HMCN1: variants seen among roughly 807,000 people sequenced by gnomAD.
HMCN1 encodes the protein hemicentin 1, also known as hemicentin-1.
A neutral mutation model predicts 625.9 loss-of-function variants in HMCN1; 321 were observed. That is an observed-to-expected ratio of 0.51 (90% CI 0.47 to 0.56). The LOEUF (loss-of-function observed/expected upper bound fraction) is 0.56, where lower values mean the gene tolerates loss of function less well. Among genes scored for constraint, HMCN1 ranks in the 20% least tolerant of loss-of-function variants. The pLI, the probability that HMCN1 is intolerant of heterozygous loss-of-function variation, is 0.00. For synonymous variants in HMCN1, 2,425 were observed against 2,417.6 expected, an observed-to-expected ratio of 1.00 and a Z score of -0.09; for missense variants, 6,588 against 6,887.3, an observed-to-expected ratio of 0.96 and a Z score of 1.54.
intron 11 of HMCN1, among the ~76,000 whole-genome samples, chr1:185,943,703 T>C (rs1036930717): frequency 1.3e-5 from 2 of 152,186 alleles, no homozygotes; most frequent in South Asian, 2.1e-4. Context: ...AGTTCCATTA[T>C]GTAGGCAGGA....
At chr1:185,845,795 C>T (rs2102318217) in intron 1 of HMCN1, among the ~76,000 whole-genome samples, 1 of 152,284 alleles carries the variant, frequency 6.6e-6, no homozygotes, top group African/African-American at 2.4e-5. Flanking sequence ...TATTTTACTC[C>T]TCCTTGCATT....
At chr1:186,028,868 G>GC (rs1655234083) in intron 36 of HMCN1, among the ~76,000 whole-genome samples, 1 of 151,914 alleles carries the variant, frequency 6.6e-6, no homozygotes, top group Non-Finnish European at 1.5e-5. Flanking sequence ...GGGGTTACAG[G>GC]CACCTGCCAC....
At chr1:185,974,275 A>G (rs1651040523) in intron 15 of HMCN1, among the ~76,000 whole-genome samples, 1 of 152,168 alleles carries the variant, frequency 6.6e-6, no homozygotes, top group Non-Finnish European at 1.5e-5. Flanking sequence ...CCATAGACTT[A>G]TTAAACTCCA....
intron 1 of HMCN1, among the ~76,000 whole-genome samples, chr1:185,838,077 A>T (rs764066294): frequency 6.6e-6 from 1 of 152,178 alleles, no homozygotes; most frequent in African/African-American, 2.4e-5. Flanking sequence ...AGGCAAATAC[A>T]GACCCACGTG....
chr1:186,162,516 GCT>G (rs2102609676), intron 97 of HMCN1, among the ~76,000 whole-genome samples: 1 of 152,192 alleles, frequency 6.6e-6, no homozygotes. Context: ...CAGTTTTTCT[GCT>G]CTGTTTTTTC....
At chr1:185,923,940 G>A (rs917815243) in intron 8 of HMCN1, among the ~76,000 whole-genome samples, 2 of 152,130 alleles carry the variant, frequency 1.3e-5, no homozygotes, top group East Asian at 1.9e-4. Flanking sequence ...CCCTAAAAAA[G>A]CCAGGCAGAT....
Position 186,001,637 on chromosome 1 carries a change from T to C in HMCN1, c.4244T>C (p.Ile1415Thr). The C allele has an allele frequency of 6.2e-7, 1 of 1,613,176 alleles. No individual in the cohort carries two copies. Among genetic ancestry groups the C allele is most frequent in the South Asian group, 1.1e-5 (1 of 91,066 alleles). Residue 1415 changes from isoleucine to threonine, a missense_variant, in exon 28 of 107, where the codon ATA becomes ACA. By Grantham distance (89) the Ile-to-Thr change is moderately conservative. Transcript: ENST00000271588. ...STIQTVNNGK[I>T]LKLFRATPED... Reference sequence around the variant, plus strand: ...ATTCAGACTGTGAACAATGGGAAGATACTGAAGCTCTTCAGAGCCACTCCA... The same window carrying C: ...ATTCAGACTGTGAACAATGGGAAGACACTGAAGCTCTTCAGAGCCACTCCA...
At chr1:185,972,890 C>G (rs1650928016) in intron 15 of HMCN1, among the ~76,000 whole-genome samples, 2 of 152,128 alleles carry the variant, frequency 1.3e-5, no homozygotes, top group South Asian at 4.1e-4. Context: ...CAGACCTTGT[C>G]TGTTCACATC....
At chr1:185,932,946 CAT>C (rs1667627020) in intron 10 of HMCN1, among the ~76,000 whole-genome samples, 1 of 152,152 alleles carries the variant, frequency 6.6e-6, no homozygotes, top group South Asian at 2.1e-4. Flanking sequence ...ATCTGAAACA[CAT>C]GTGTCACTCA....
intron 103 of HMCN1, 121 bp from the exon 104 acceptor site, chr1:186,178,295 C>T: frequency 1.4e-6 from 1 of 738,126 alleles, no homozygotes; most frequent in Non-Finnish European, 2.4e-6. Flanking sequence ...TTACTGTATG[C>T]CTGGCTTTGG....
chr1:185,866,555 C>T (rs899273296), intron 4 of HMCN1, among the ~76,000 whole-genome samples: 1 of 151,806 alleles, frequency 6.6e-6, no homozygotes, highest in Non-Finnish European at 1.5e-5. Flanking sequence ...CAGGCGCCCA[C>T]CACCACGCCC....
intron 1 of HMCN1, among the ~76,000 whole-genome samples, chr1:185,744,229 T>C (rs886895745): frequency 6.6e-6 from 1 of 151,952 alleles, no homozygotes; most frequent in African/African-American, 2.4e-5. Context: ...CTCCTGACCT[T>C]GTGATCCACC....
intron 1 of HMCN1, among the ~76,000 whole-genome samples, chr1:185,799,688 C>A (rs912013167): frequency 6.6e-6 from 1 of 152,088 alleles, no homozygotes; most frequent in Non-Finnish European, 1.5e-5. Flanking sequence ...GCTGAGGTTT[C>A]ACAAAACTTG....
chr1:185,856,076 G>A (rs551181967), intron 2 of HMCN1, among the ~76,000 whole-genome samples: 3 of 152,226 alleles, frequency 2.0e-5, no homozygotes, highest in South Asian at 4.1e-4. Flanking sequence ...TATTTGCTTC[G>A]ATGCAACTTT....
intron 91 of HMCN1, 150 bp from the exon 92 acceptor site, chr1:186,145,253 C>T: frequency 1.5e-6 from 1 of 686,574 alleles, no homozygotes; most frequent in South Asian, 2.2e-5. Context: ...AAACTATCTT[C>T]CTTTGGAAGT....
intron 100 of HMCN1, among the ~76,000 whole-genome samples, chr1:186,169,596 T>A (rs1652094336): frequency 6.6e-6 from 1 of 152,094 alleles, no homozygotes; most frequent in Admixed American, 6.6e-5. Context: ...GGATTCCCTA[T>A]CTAATAAATG....
intron 11 of HMCN1, among the ~76,000 whole-genome samples, chr1:185,944,442 A>C (rs1222572799): frequency 6.6e-6 from 1 of 152,234 alleles, no homozygotes; most frequent in African/African-American, 2.4e-5. Context: ...AAAATATTGA[A>C]GTAAAACTTA....
At chr1:186,028,108 G>A (rs780355707) in intron 36 of HMCN1, among the ~76,000 whole-genome samples, 5 of 152,056 alleles carry the variant, frequency 3.3e-5, no homozygotes, top group Non-Finnish European at 7.4e-5. Flanking sequence ...GATTGCTTAT[G>A]TACTACCTGT....
Position 186,151,259 on chromosome 1 carries a change from A to T in HMCN1, c.14668A>T (p.Ile4890Phe). The T allele has an allele frequency of 6.2e-7, 1 of 1,613,718 alleles. No individual in the cohort carries two copies. The highest frequency in any genetic ancestry group is 8.5e-7 in the Non-Finnish European group (1 of 1,179,690). The change falls in exon 94 of 107, where the codon ATT becomes TTT. Residue 4890 changes from isoleucine (I) to phenylalanine (F), a missense_variant. Physicochemically the swap from Ile to Phe is conservative, Grantham distance 21. Transcript: ENST00000271588. ...AAATATTAATGATGTTGAATTTGGA[A>T]TTGCTTTCCTTAATGCCACAATAAC... The part of the protein sequence containing the change: ...IGNINDVEFG[I>F]AFLNATITDS...
Sources: allele counts gnomAD v4.1 joint callset (sites outside exome capture counted in the v4.1 genomes callset), GRCh38; gene constraint gnomAD v4.1.1; transcripts MANE v1.5; gene names NCBI Gene and HGNC (gene_info 2026-07-23, HGNC 2026-07-21).